IQCH: variants seen among roughly 807,000 people sequenced by gnomAD.
IQCH encodes the protein IQ domain-containing protein H.
IQCH carries 98 observed loss-of-function variants against 117.0 expected under a neutral mutation model. That is an observed-to-expected ratio of 0.84 (90% CI 0.71 to 0.99). The LOEUF is 0.99. IQCH is among the 50% of genes least tolerant of loss of function. The pLI, the probability that IQCH is intolerant of heterozygous loss-of-function variation, is 0.00. For missense variants in IQCH, 1,102 were observed against 1,243.8 expected, an observed-to-expected ratio of 0.89 and a Z score of 1.72; for synonymous variants, 412 against 448.2, an observed-to-expected ratio of 0.92 and a Z score of 1.02.
chr15:67,329,943 T>TA (rs1395816525), intron 4 of IQCH, among the ~76,000 whole-genome samples: 2 of 152,108 alleles, frequency 1.3e-5, no homozygotes, highest in East Asian at 3.9e-4. Flanking sequence ...ATAGATTAAA[T>TA]ACAACCATAA....
Position 67,372,474 on chromosome 15 carries a change from G to T in IQCH, c.1117G>T (p.Ala373Ser), listed in dbSNP as rs147021867. ...YKGQDGNSEA[A>S]MKIQATWKCY... ...GGGCCAAGATGGAAATTCGGAGGCCGCCATGAAGATCCAAGCCACATGGAA... is the reference window on the plus strand; with the variant it reads ...GGGCCAAGATGGAAATTCGGAGGCCTCCATGAAGATCCAAGCCACATGGAA... Residue 373 changes from alanine to serine, a missense_variant, in exon 9 of 21, where the codon GCC (alanine) becomes TCC (serine). By Grantham distance (99) the Ala-to-Ser change is moderately conservative. Transcript: ENST00000335894. 3.1e-6 allele frequency: 5 copies of T among 1,613,976 alleles called. No individual in the cohort carries two copies. In the African/African-American group the frequency reaches 4.0e-5, roughly 13 times the overall value.
At chr15:67,423,852 TAA>T (rs10560261) in intron 16 of IQCH, among the ~76,000 whole-genome samples, 36,402 of 137,972 alleles carry the variant, frequency 0.26, 5,081 homozygotes, top group East Asian at 0.51. Flanking sequence ...AGATTTCATC[TAA>T]AAAAAAAAAA....
Position 67,427,221 on chromosome 15 carries a change from A to ATCTCCCAACCACTCCTGCCATC in IQCH, c.2505+5646_2505+5667dup, listed in dbSNP as rs2081913083. ...TTTACTTATTTGTTTAATGTAACTA[A>ATCTCCCAACCACTCCTGCCATC]TCTCCCAACCACTCCTGCCATCTTC... is the stretch of plus-strand genomic sequence containing the variant. On this transcript the variant is annotated intron_variant, in intron 16 of 20. Coordinates refer to ENST00000335894, the MANE Select transcript of IQCH (RefSeq NM_001031715.3). The surrounding 1 kb of genome is among the most constrained non-coding windows in gnomAD (Gnocchi z 4.7). Among the ~76,000 whole-genome samples, 1 of 152,094 alleles carries ATCTCCCAACCACTCCTGCCATC rather than the reference A, an allele frequency of 6.6e-6. No homozygotes were observed.
chr15:67,313,398 C>T (rs972689266), intron 4 of IQCH, among the ~76,000 whole-genome samples: 11 of 152,258 alleles, frequency 7.2e-5, no homozygotes, highest in African/African-American at 2.4e-4. Context: ...TCAGAATCAT[C>T]GTCAGGGCCA....
chr15:67,400,133 AGCTGATAACTGATCACCT>A lies in IQCH; in HGVS notation c.1928_1945del (p.Leu643_Leu648del). 6.2e-7 allele frequency: 1 copy of A among 1,613,800 alleles called. No homozygotes were observed. The highest frequency in any genetic ancestry group is 1.1e-5 in the South Asian group (1 of 91,038). The stretch of plus-strand genomic sequence containing the variant: ...TCACAGATGATAGAGCAGCTGAGTC[AGCTGATAACTGATCACCT>A]GCAAATACAGCGTTGGCTCTTTAAA... On this transcript the variant is annotated inframe_deletion, in exon 14 of 21. Transcript: ENST00000335894.
At chr15:67,480,958 G>A (rs1346430917) in intron 18 of IQCH, among the ~76,000 whole-genome samples, 1 of 151,906 alleles carries the variant, frequency 6.6e-6, no homozygotes, top group East Asian at 1.9e-4. Context: ...AGGGAATAGA[G>A]AGATCTCAGA....
In IQCH at chr15:67,466,478, AGT is replaced by A. The variant is rs2082936295; in HGVS notation, c.2676+1184_2676+1185del. ...CTAGTGATTAATGGGACCCAACATG[AGT>A]GTCCCAGAGATACCTTTTCCAAGCG... On this transcript the variant is annotated intron_variant, in intron 17 of 20. Coordinates refer to ENST00000335894, the MANE Select transcript of IQCH (RefSeq NM_001031715.3). This position sits in a 1 kb window ranked among gnomAD's most constrained non-coding sequence, Gnocchi z 4.4. The A allele has an allele frequency of 6.6e-6, 1 of 152,224 alleles. No individual in the cohort carries two copies. The highest frequency in any genetic ancestry group is 2.4e-5 in the African/African-American group (1 of 41,458). The allele number at this position is 152,224 out of a possible 1,614,324, so 9.4% of individuals were successfully genotyped here. A position where few individuals can be genotyped will look rare whatever the true frequency, so the allele number is the denominator to read the frequency against.
intron 3 of IQCH, among the ~76,000 whole-genome samples, chr15:67,270,712 G>T (rs1425175705): frequency 6.6e-6 from 1 of 152,150 alleles, no homozygotes; most frequent in East Asian, 1.9e-4. Context: ...GTAGCTTGAA[G>T]CCCTGACCAG....
intron 16 of IQCH, among the ~76,000 whole-genome samples, chr15:67,435,146 C>CA (rs896081142): frequency 1.9e-4 from 29 of 152,038 alleles, no homozygotes; most frequent in Middle Eastern, 6.8e-3. Context: ...TGAGCCACTG[C>CA]ACCCAGCCTT....
At position 67,395,886 on chromosome 15, in the gene IQCH, T is replaced by C. The variant is rs549837223; in HGVS notation, c.1905+323T>C. On this transcript the variant is annotated intron_variant, in intron 13 of 20. Coordinates refer to ENST00000335894, the MANE Select transcript of IQCH (RefSeq NM_001031715.3). This position sits in a 1 kb window ranked among gnomAD's most constrained non-coding sequence, Gnocchi z 4.0. Reference sequence around the variant, plus strand: ...GGTTTCACCATGTTGGCCAGGCTGGTCTCGAACTCCTGACCTCTAGTGATC... The same window carrying C: ...GGTTTCACCATGTTGGCCAGGCTGGCCTCGAACTCCTGACCTCTAGTGATC... Among the ~76,000 whole-genome samples, 31 of 151,964 alleles carry C rather than the reference T, an allele frequency of 2.0e-4. No homozygotes were observed. Among genetic ancestry groups the C allele is most frequent in the Non-Finnish European group, 3.5e-4 (24 of 68,002 alleles).
rs1967199613 is a variant in IQCH at position 67,304,393 on chromosome 15, A to G, written c.387+24881A>G. ...GCAGGATCCTGAAAACATCCACCACAGAGCTGCTGTAAATGCGAACTATGG... is the reference window on the plus strand; with the variant it reads ...GCAGGATCCTGAAAACATCCACCACGGAGCTGCTGTAAATGCGAACTATGG... On this transcript the variant is annotated intron_variant, in intron 4 of 20. Coordinates refer to ENST00000335894, the MANE Select transcript of IQCH (RefSeq NM_001031715.3). The G allele has an allele frequency of 2.6e-6, 4 of 1,535,302 alleles. No individual in the cohort carries two copies. In the African/African-American group the frequency reaches 4.1e-5, roughly 16 times the overall value.
Position 67,422,905 on chromosome 15 carries a change from T to C in IQCH, c.2505+1328T>C, listed in dbSNP as rs1429609186. ...GCGAAATGACCTCCTGGCCTTCCTCTCTCGATATCGCGATATCCTCTGGTC... is the reference window on the plus strand; with the variant it reads ...GCGAAATGACCTCCTGGCCTTCCTCCCTCGATATCGCGATATCCTCTGGTC... On this transcript the variant is annotated intron_variant, in intron 16 of 20. Coordinates refer to ENST00000335894, the MANE Select transcript of IQCH (RefSeq NM_001031715.3). The surrounding 1 kb of genome is among the most constrained non-coding windows in gnomAD (Gnocchi z 4.7). 6.6e-6 allele frequency among the ~76,000 whole-genome samples: 1 copy of C among 152,248 alleles called. No homozygotes were observed. Among genetic ancestry groups the C allele is most frequent in the Non-Finnish European group, 1.5e-5 (1 of 68,052 alleles).
intron 5 of IQCH, 147 bp from the exon 6 acceptor site, chr15:67,343,915 AT>A: frequency 1.4e-5 from 8 of 586,778 alleles, no homozygotes; most frequent in Admixed American, 3.5e-5. Context: ...TACTGTAGCT[AT>A]TTTTTTATGC....
rs1377201845 is a variant in IQCH, at chr15:67,467,526, C to T, written c.2676+2229C>T. Among the ~76,000 whole-genome samples, 1 of 152,194 alleles carries T rather than the reference C, an allele frequency of 6.6e-6. No individual in the cohort carries two copies. The highest frequency in any genetic ancestry group is 2.4e-5 in the African/African-American group (1 of 41,452). On this transcript the variant is annotated intron_variant, in intron 17 of 20. Coordinates refer to ENST00000335894, the MANE Select transcript of IQCH (RefSeq NM_001031715.3). The surrounding 1 kb of genome is among the most constrained non-coding windows in gnomAD (Gnocchi z 5.7). ...ACTAGAGAAAAGCTATGCAGGTTTT[C>T]TGGTGTAGGAATAAATTGAAAGGGC... is the stretch of plus-strand genomic sequence containing the variant.
In IQCH at chr15:67,400,690, G is replaced by T. The variant is rs543562895; in HGVS notation, c.2097+385G>T. On this transcript the variant is annotated intron_variant, in intron 14 of 20. Transcript: ENST00000335894. ...CTTTTTTTTTTATTGGGACGGGGAG[G>T]GTCTCCTTATGTTGCTCAGGCTGGT... Among the ~76,000 whole-genome samples the T allele has an allele frequency of 3.9e-3, 590 of 150,658 alleles. 7 individuals are homozygous for T. The highest frequency in any genetic ancestry group is 0.024 in the Middle Eastern group (7 of 292).
rs1208794847 is a variant in IQCH, at chr15:67,421,577, G to A, written c.2505G>A (p.Gln835=). 1.9e-6 allele frequency: 3 copies of A among 1,613,768 alleles called. No individual in the cohort carries two copies. Among genetic ancestry groups the A allele is most frequent in the East Asian group, 2.2e-5 (1 of 44,892 alleles). The change falls in exon 16 of 21, where the codon CAG becomes CAA. Residue 835 remains glutamine (Q), a splice_region_variant and synonymous_variant. Coordinates refer to ENST00000335894, the MANE Select transcript of IQCH (RefSeq NM_001031715.3). ...TFIDPSTLEQ[Q]VWATGLNLAY... ...TAGATCCAAGCACCTTGGAACAACAGGTAAGTTGAATGGATGCCATACGAA... is the reference window on the plus strand; with the variant it reads ...TAGATCCAAGCACCTTGGAACAACAAGTAAGTTGAATGGATGCCATACGAA...
At chr15:67,495,440 G>T (rs559069544) in intron 20 of IQCH, among the ~76,000 whole-genome samples, 3 of 152,276 alleles carry the variant, frequency 2.0e-5, no homozygotes, top group African/African-American at 7.2e-5. Flanking sequence ...TGAGCTCAAG[G>T]GATCTTGTCT....
At chr15:67,277,107 A>T (rs1230712229) in intron 3 of IQCH, among the ~76,000 whole-genome samples, 1 of 152,246 alleles carries the variant, frequency 6.6e-6, no homozygotes, top group East Asian at 1.9e-4. Context: ...CCTATCAAAG[A>T]CATTCTTCAC....
At chr15:67,371,364 C>T (rs1209415685) in intron 8 of IQCH, 4 of 678,084 alleles carry the variant, frequency 5.9e-6, no homozygotes, top group African/African-American at 1.9e-5. Flanking sequence ...ATTTTCATAG[C>T]TTAAAATGTC....
Sources: gnomAD v4.1 joint callset for allele counts (sites outside exome capture counted in the v4.1 genomes callset) on GRCh38, gnomAD v4.1.1 for gene constraint, Gnocchi (gnomAD v3.1) non-coding constraint, MANE v1.5 for transcripts, NCBI Gene and HGNC (gene_info 2026-07-23, HGNC 2026-07-21) for gene names.